ODF1: variants seen among roughly 807,000 people sequenced by gnomAD.
The protein encoded by ODF1 is outer dense fiber protein 1.
ODF1 carries 10 observed loss-of-function variants against 24.0 expected under a neutral mutation model. That is an observed-to-expected ratio of 0.42 (90% CI 0.26 to 0.71). The LOEUF (loss-of-function observed/expected upper bound fraction) is 0.71. Ranked by LOEUF, ODF1 falls within the 30% of genes least tolerant of loss-of-function variation. ODF1 has a pLI of 0.28. For synonymous variants in ODF1, 118 were observed against 121.3 expected (o/e 0.97, Z 0.18); for missense variants, 282 against 307.9 (o/e 0.92, Z 0.63).
chr8:102,559,373 T>C (rs1438438061), intron 1 of ODF1, among the ~76,000 whole-genome samples: 1 of 151,666 alleles, frequency 6.6e-6, no homozygotes, highest in East Asian at 1.9e-4. Context: ...ATAGAATTAG[T>C]GAATAGCAAC....
rs1233041053 is a variant in ODF1, at chr8:102,551,898, C to T, written c.171C>T (p.Cys57=). 1.9e-6 allele frequency: 3 copies of T among 1,614,048 alleles called. No individual in the cohort carries two copies. The highest frequency in any genetic ancestry group is 2.5e-6 in the Non-Finnish European group (3 of 1,180,052). Residue 57 remains cysteine, a synonymous_variant, in exon 1 of 2, where the codon TGC becomes TGT. Coordinates refer to ENST00000285402, the MANE Select transcript of ODF1 (RefSeq NM_024410.4). The part of the protein sequence containing the change: ...CDLHPYPYCL[C]YSKRSRSCGL... ...TGCACCCATATCCGTACTGCTTGTGCTATTCCAAGCGATCACGCTCTTGCG... is the reference window on the plus strand; with the variant it reads ...TGCACCCATATCCGTACTGCTTGTGTTATTCCAAGCGATCACGCTCTTGCG...
Position 102,560,601 on chromosome 8 carries a change from G to C in ODF1, c.470G>C (p.Arg157Thr). The C allele has an allele frequency of 6.2e-7, 1 of 1,614,218 alleles. No individual in the cohort carries two copies. Among genetic ancestry groups the C allele is most frequent in the Non-Finnish European group, 8.5e-7 (1 of 1,180,042 alleles). The change falls in exon 2 of 2, where the codon AGG (arginine) becomes ACG (threonine). Residue 157 changes from arginine to threonine, a missense_variant. Transcript: ENST00000285402. ...KVCVSAEREN[R>T]YDCLGSKKYS... ...TGTGTGTCGGCTGAGCGGGAGAACA[G>C]GTACGACTGCCTTGGATCGAAAAAG...
intron 1 of ODF1, among the ~76,000 whole-genome samples, chr8:102,552,977 C>CAGAT (rs71574062): frequency 0.017 from 2,313 of 136,056 alleles, 24 homozygotes; most frequent in East Asian, 0.06. Flanking sequence ...AGACAGATGA[C>CAGAT]AGATAGATAG....
intron 1 of ODF1, 140 bp from the exon 2 acceptor site, chr8:102,560,312 T>G: frequency 1.3e-6 from 1 of 753,366 alleles, no homozygotes; most frequent in Admixed American, 2.6e-5. Flanking sequence ...CTTCATGCAT[T>G]TGTGTAAAGT....
At chr8:102,560,282 G>A (rs1431324767) in intron 1 of ODF1, among the ~76,000 whole-genome samples, 170 bp from the exon 2 acceptor site, 1 of 147,504 alleles carries the variant, frequency 6.8e-6, no homozygotes, top group Admixed American at 6.7e-5. Flanking sequence ...TGATTCGCAT[G>A]GGTGGACTCA....
intron 1 of ODF1, among the ~76,000 whole-genome samples, chr8:102,552,311 G>A (rs56280439): frequency 0.061 from 9,268 of 151,998 alleles, 394 homozygotes; most frequent in Non-Finnish European, 0.092. Context: ...TAAATAATGC[G>A]GCTTTAATGA....
At position 102,551,699 on chromosome 8, in the gene ODF1, T is replaced by G; in HGVS notation, c.-29T>G. 6.6e-7 allele frequency: 1 copy of G among 1,525,036 alleles called. No individual in the cohort carries two copies. Among genetic ancestry groups the G allele is most frequent in the East Asian group, 2.3e-5 (1 of 43,492 alleles). The allele number at this position is 1,525,036 out of a possible 1,614,324, so 94.5% of individuals were successfully genotyped here. A position where few individuals can be genotyped will look rare whatever the true frequency, so the allele number is the denominator to read the frequency against. On this transcript the variant is annotated 5_prime_UTR_variant, in exon 1 of 2. Transcript: ENST00000285402. ...TTCCCGGAGTGCCATTTCCCAAAGG[T>G]ACTCACAGAACAATCAGGTGTGACC...
At chr8:102,560,430 C>G (rs934403184) in intron 1 of ODF1, 22 bp from the exon 2 acceptor site, 2 of 1,608,388 alleles carry the variant, frequency 1.2e-6, no homozygotes, top group African/African-American at 1.3e-5. Flanking sequence ...CCCTCCCACC[C>G]TATCCCTTTT....
At chr8:102,558,181 G>A (rs1199071385) in intron 1 of ODF1, among the ~76,000 whole-genome samples, 1 of 152,222 alleles carries the variant, frequency 6.6e-6, no homozygotes, top group Non-Finnish European at 1.5e-5. Context: ...GCCGGGCGCG[G>A]TGGCTCACGC....
chr8:102,552,079 C>G, intron 1 of ODF1, 32 bp downstream of exon 1: 1 of 1,490,746 alleles, frequency 6.7e-7, no homozygotes, highest in South Asian at 1.3e-5. Context: ...TTTTTATAGT[C>G]GGTATATTAG....
At chr8:102,553,017 TGATA>T (rs111287150) in intron 1 of ODF1, among the ~76,000 whole-genome samples, 20,481 of 94,092 alleles carry the variant, frequency 0.22, 1,471 homozygotes, top group Middle Eastern at 0.29. Flanking sequence ...GATAGATAGA[TGATA>T]GATAGATAGA....
At position 102,551,666 on chromosome 8, in the gene ODF1, C is replaced by G. The variant is rs990502083; in HGVS notation, c.-62C>G. 4.2e-6 allele frequency: 6 copies of G among 1,430,616 alleles called. No individual in the cohort carries two copies. The Admixed American group carries it at 1.1e-4, about 26-fold the overall frequency. 88.6% of individuals were successfully genotyped at this position (1,430,616 alleles called of 1,614,324 possible). A position where few individuals can be genotyped will look rare whatever the true frequency, so the allele number is the denominator to read the frequency against. On this transcript the variant is annotated 5_prime_UTR_variant, in exon 1 of 2. Transcript: ENST00000285402. ...AGCAACTTCTGAGAAGGGCTTAGAA[C>G]AAATTTTTTCCCGGAGTGCCATTTC...
rs767036956 is a variant in ODF1, at chr8:102,551,937, C to T, written c.210C>T (p.Leu70=). 4 of 1,614,048 alleles carry T rather than the reference C, an allele frequency of 2.5e-6. No individual in the cohort carries two copies. The African/African-American group carries it at 4.0e-5, about 16-fold the overall frequency. The change falls in exon 1 of 2, where the codon CTC becomes CTT. Residue 70 remains leucine (L), a synonymous_variant. Transcript: ENST00000285402. The part of the protein sequence containing the change: ...KRSRSCGLCD[L]YPCCLCDYKL... ...CACGCTCTTGCGGCCTGTGTGATCT[C>T]TACCCATGTTGCCTGTGTGATTATA...
At position 102,560,821 on chromosome 8, in the gene ODF1, T is replaced by A. The variant is rs370030478; in HGVS notation, c.690T>A (p.Tyr230Ter). 59 of 1,613,428 alleles carry A rather than the reference T, an allele frequency of 3.7e-5. No homozygotes were observed. Among genetic ancestry groups the A allele is most frequent in the Non-Finnish European group, 4.8e-5 (57 of 1,179,652 alleles). ...GCCCCTGCAACCCGTGCAGCCCATA[T>A]GATCCTTGCAACCCGTGTTATCCCT... ...PCSPCNPCSP[Y>*]DPCNPCYPCG... Residue 230 changes from tyrosine (Y) to a stop codon, truncating the protein, a stop_gained, in exon 2 of 2, where the codon TAT (tyrosine) becomes TAA (stop). Transcript: ENST00000285402. LOFTEE classifies it high-confidence loss of function.
intron 1 of ODF1, among the ~76,000 whole-genome samples, chr8:102,554,417 G>A (rs531103926): frequency 1.3e-5 from 2 of 152,140 alleles, no homozygotes; most frequent in Non-Finnish European, 2.9e-5. Context: ...AGGCTGTGTT[G>A]TCCAGAAGGT....
At chr8:102,560,121 T>A (rs1826160221) in intron 1 of ODF1, among the ~76,000 whole-genome samples, 1 of 151,446 alleles carries the variant, frequency 6.6e-6, no homozygotes, top group East Asian at 1.9e-4. Context: ...ATCTCCATTT[T>A]GCAGATGAGG....
intron 1 of ODF1, among the ~76,000 whole-genome samples, chr8:102,556,037 G>A (rs958020486): frequency 1.4e-4 from 22 of 152,240 alleles, no homozygotes; most frequent in African/African-American, 4.3e-4. Context: ...CATGTAAGGT[G>A]GGGCCTGGTG....
rs11995900 is a variant in ODF1, at chr8:102,560,858, T to C, written c.727T>C (p.Phe243Leu). Residue 243 changes from phenylalanine (F) to leucine (L), a missense_variant, in exon 2 of 2, where the codon TTT (phenylalanine) becomes CTT (leucine). By Grantham distance (22) the Phe-to-Leu change is conservative (BLOSUM62 0). Coordinates refer to ENST00000285402, the MANE Select transcript of ODF1 (RefSeq NM_024410.4). ...CNPCYPCGSR[F>L]SCRKMIL ...CCCGTGTTATCCCTGTGGAAGCCGA[T>C]TTTCCTGTAGGAAGATGATTTTGTA... The C allele has an allele frequency of 0.016, 25,967 of 1,611,892 alleles. 2,193 individuals carry two copies. In the African/African-American group the frequency reaches 0.24, roughly 15 times the overall value.
At chr8:102,554,289 CT>C in intron 1 of ODF1, among the ~76,000 whole-genome samples, 1 of 152,316 alleles carries the variant, frequency 6.6e-6, no homozygotes, top group East Asian at 1.9e-4. Context: ...TTAAAACAAT[CT>C]TTGGTGTGAA....
Sources: allele counts gnomAD v4.1 joint callset (sites outside exome capture counted in the v4.1 genomes callset), GRCh38; gene constraint gnomAD v4.1.1; transcripts MANE v1.5; gene names NCBI Gene and HGNC (gene_info 2026-07-23, HGNC 2026-07-21).